TRMT61A: variants seen among roughly 807,000 people sequenced by gnomAD.
TRMT61A encodes the protein tRNA methyltransferase 61A.
TRMT61A carries 15 observed loss-of-function variants against 21.3 expected under a neutral mutation model. The ratio of observed to expected loss-of-function variants is 0.70; its 90% CI spans 0.47 to 1.08. The LOEUF is 1.08. Among genes scored for constraint, TRMT61A ranks in the 50% least tolerant of loss-of-function variants. The pLI, the probability that TRMT61A is intolerant of heterozygous loss-of-function variation, is 0.00. For synonymous variants in TRMT61A, 183 were observed against 185.5 expected (o/e 0.99, Z 0.11); for missense variants, 352 against 426.7 (o/e 0.83, Z 1.54).
chr14:103,530,137 C>T lies in TRMT61A; in HGVS notation c.159C>T (p.Pro53=), dbSNP rs763689330. ...LRHSVDLIGR[P]FGSKVTCGRG... is the part of the protein sequence containing the mutation. ...ACTCAGTTGACCTTATCGGCCGCCC[C>T]TTCGGCTCCAAGGTGACGTGCGGCC... Residue 53 remains proline, a synonymous_variant, in exon 2 of 4, where the codon CCC becomes CCT. Transcript: ENST00000389749. 5 of 1,612,792 alleles carry T rather than the reference C, an allele frequency of 3.1e-6. No homozygotes were observed. Among genetic ancestry groups the T allele is most frequent in the South Asian group, 1.1e-5 (1 of 91,086 alleles).
intron 2 of TRMT61A, 27 bp from the exon 3 acceptor site, chr14:103,532,555 C>T: frequency 6.2e-7 from 1 of 1,612,874 alleles, no homozygotes; most frequent in Non-Finnish European, 8.5e-7. Flanking sequence ...CAACTGATGC[C>T]TTGCCCATCC....
In TRMT61A at chr14:103,532,607, C is replaced by T. The variant is rs182181764; in HGVS notation, c.357C>T (p.His119=). The T allele has an allele frequency of 1.6e-5, 26 of 1,613,404 alleles. No homozygotes were observed. The African/African-American group carries it at 1.7e-4, about 11-fold the overall frequency. ...ESGTGSGSVS[H]AIIRTIAPTG... ...GCACCGGCAGTGGCTCTGTGTCCCACGCCATCATCCGCACCATTGCACCCA... is the reference window on the plus strand; with the variant it reads ...GCACCGGCAGTGGCTCTGTGTCCCATGCCATCATCCGCACCATTGCACCCA... The change falls in exon 3 of 4, where the codon CAC becomes CAT. Residue 119 remains histidine, a synonymous_variant. Coordinates refer to ENST00000389749, the MANE Select transcript of TRMT61A (RefSeq NM_152307.3).
At position 103,532,659 on chromosome 14, in the gene TRMT61A, C is replaced by T; in HGVS notation, c.409C>T (p.His137Tyr). 2 of 1,613,458 alleles carry T rather than the reference C, an allele frequency of 1.2e-6. No homozygotes were observed. The highest frequency in any genetic ancestry group is 1.7e-6 in the Non-Finnish European group (2 of 1,180,024). The change falls in exon 3 of 4, where the codon CAC (histidine) becomes TAC (tyrosine). Residue 137 changes from histidine to tyrosine, a missense_variant. Physicochemically the swap from His to Tyr is moderately conservative, Grantham distance 83. Transcript: ENST00000389749. ...GGGTCACCTGCACACGGTGGAGTTCCACCAGCAGCGGGCAGAGAAGGCCCG... is the reference window on the plus strand; with the variant it reads ...GGGTCACCTGCACACGGTGGAGTTCTACCAGCAGCGGGCAGAGAAGGCCCG... Reference protein sequence around the residue: ...PTGHLHTVEFHQQRAEKAREE... With the variant: ...PTGHLHTVEFYQQRAEKAREE...
At position 103,530,083 on chromosome 14, in the gene TRMT61A, G is replaced by A. The variant is rs745590065; in HGVS notation, c.105G>A (p.Gln35=). 1 of 1,612,958 alleles carries A rather than the reference G, an allele frequency of 6.2e-7. No individual in the cohort carries two copies. Among genetic ancestry groups the A allele is most frequent in the Non-Finnish European group, 8.5e-7 (1 of 1,179,914 alleles). The part of the protein sequence containing the change: ...MVAVRVQRGA[Q]TQTRHGVLRH... ...CGGTGCGTGTGCAGCGTGGGGCACA[G>A]ACCCAGACCCGGCATGGTGTCCTGC... Residue 35 remains glutamine, a synonymous_variant, in exon 2 of 4, where the codon CAG becomes CAA. Coordinates refer to ENST00000389749, the MANE Select transcript of TRMT61A (RefSeq NM_152307.3).
chr14:103,533,154 C>T (rs1036175217), intron 3 of TRMT61A, among the ~76,000 whole-genome samples: 1 of 152,242 alleles, frequency 6.6e-6, no homozygotes, highest in African/African-American at 2.4e-5. Context: ...GGAGTCCCCT[C>T]CCTGCTGTTT....
In TRMT61A at chr14:103,535,231, C is replaced by G; in HGVS notation, c.*410C>G. ...CGTCTGACCCCTGGGCCCCCACGGC[C>G]CTGGCTGCCCCACGGGGCCTGAGAC... On this transcript the variant is annotated 3_prime_UTR_variant, in exon 4 of 4. Coordinates refer to ENST00000389749, the MANE Select transcript of TRMT61A (RefSeq NM_152307.3). 2.1e-6 allele frequency: 1 copy of G among 465,716 alleles called. No individual in the cohort carries two copies. Among genetic ancestry groups the G allele is most frequent in the South Asian group, 1.6e-5 (1 of 63,562 alleles). The allele number at this position is 465,716 out of a possible 1,614,324, so 28.8% of individuals were successfully genotyped here. A position where few individuals can be genotyped will look rare whatever the true frequency, so the allele number is the denominator to read the frequency against.
In TRMT61A at chr14:103,530,220, C is replaced by G. The variant is rs765484716; in HGVS notation, c.242C>G (p.Pro81Arg). The G allele has an allele frequency of 6.2e-6, 10 of 1,611,922 alleles. No homozygotes were observed. Among genetic ancestry groups the G allele is most frequent in the Non-Finnish European group, 7.6e-6 (9 of 1,178,992 alleles). Residue 81 changes from proline (P) to arginine (R), a missense_variant, in exon 2 of 4, where the codon CCG (proline) becomes CGG (arginine). By Grantham distance (103) the Pro-to-Arg change is moderately radical. Transcript: ENST00000389749. Reference protein sequence around the residue: ...PTPELWTLNLPHRTQILYSTD... With the variant: ...PTPELWTLNLRHRTQILYSTD... ...CCCGAGCTCTGGACGCTGAACCTGC[C>G]GCACCGCACGCAGATCCTCTACTCC...
chr14:103,534,126 G>A (rs961027687), intron 3 of TRMT61A, among the ~76,000 whole-genome samples: 1 of 152,214 alleles, frequency 6.6e-6, no homozygotes, highest in Non-Finnish European at 1.5e-5. Flanking sequence ...CTGTTCCCGG[G>A]AGCAGCGACA....
rs2075969096 is a variant in TRMT61A at position 103,535,128 on chromosome 14, G to A, written c.*307G>A. The A allele has an allele frequency of 4.8e-6, 3 of 625,232 alleles. No individual in the cohort carries two copies. The African/African-American group carries it at 5.4e-5, about 11-fold the overall frequency. The allele number at this position is 625,232 out of a possible 1,614,324, so 38.7% of individuals were successfully genotyped here. A position where few individuals can be genotyped will look rare whatever the true frequency, so the allele number is the denominator to read the frequency against. ...GAAGCCAAAGGGTGCAGGTGGGGGA[G>A]TCTGACCCCCTCCCAGGTGGGCCTA... On this transcript the variant is annotated 3_prime_UTR_variant, in exon 4 of 4. Coordinates refer to ENST00000389749, the MANE Select transcript of TRMT61A (RefSeq NM_152307.3).
chr14:103,529,955 T>TG lies in TRMT61A; in HGVS notation c.-22dup, dbSNP rs2075947896. 1 of 1,582,086 alleles carries TG rather than the reference T, an allele frequency of 6.3e-7. No individual in the cohort carries two copies. Among genetic ancestry groups the TG allele is most frequent in the African/African-American group, 1.3e-5 (1 of 74,472 alleles). On this transcript the variant is annotated 5_prime_UTR_variant, in exon 2 of 4. Transcript: ENST00000389749. ...CTACACACACCCCTCCCCAGGTCCT[T>TG]GGCCCTTGCCAGACATTAGCACCAT...
intron 3 of TRMT61A, 118 bp downstream of exon 3, chr14:103,532,966 G>T: frequency 7.3e-7 from 1 of 1,363,580 alleles, no homozygotes; most frequent in Non-Finnish European, 9.7e-7. Flanking sequence ...GCAGTGGCCA[G>T]GCCAGGGCCC....
chr14:103,530,540 G>C (rs555114139), intron 2 of TRMT61A, among the ~76,000 whole-genome samples: 2 of 152,354 alleles, frequency 1.3e-5, no homozygotes, highest in South Asian at 4.1e-4. Context: ...GAGCTGGGGA[G>C]GACTGGTGCT....
intron 2 of TRMT61A, among the ~76,000 whole-genome samples, chr14:103,532,111 G>T (rs1342289185): frequency 3.3e-5 from 5 of 152,092 alleles, no homozygotes; most frequent in Non-Finnish European, 1.5e-5. Context: ...AGGAGCTTCT[G>T]GGGAGAGGTG....
chr14:103,530,297 G>A lies in TRMT61A; in HGVS notation c.319G>A (p.Val107Ile). 6.3e-7 allele frequency: 1 copy of A among 1,584,516 alleles called. No individual in the cohort carries two copies. The stretch of plus-strand genomic sequence containing the variant: ...GTTGGAGCTTCGGCCCGGCTCTGTG[G>A]TCTGTGAGTCTGGTGAGTTCCTCAG... ...MMLELRPGSV[V>I]CESGTGSGSV... The change falls in exon 2 of 4, where the codon GTC (valine) becomes ATC (isoleucine). Residue 107 changes from valine to isoleucine, a missense_variant. Val to Ile is a conservative substitution (Grantham distance 29, BLOSUM62 3). Transcript: ENST00000389749.
Position 103,534,501 on chromosome 14 carries a change from C to G in TRMT61A, c.599-49C>G, listed in dbSNP as rs201038905. ...CCAGGGATGCTAGGGCCAGACGGGC[C>G]AGGCTCTGCCACCCCTGCCCTCTGA... On this transcript the variant is annotated intron_variant, in intron 3 of 3. Transcript: ENST00000389749. The G allele has an allele frequency of 1.0e-3, 1,519 of 1,521,226 alleles. 15 individuals are homozygous for G. In the East Asian group the frequency reaches 0.014, roughly 14 times the overall value. 94.2% of individuals were successfully genotyped at this position (1,521,226 alleles called of 1,614,324 possible). A position where few individuals can be genotyped will look rare whatever the true frequency, so the allele number is the denominator to read the frequency against.
Position 103,532,691 on chromosome 14 carries a change from G to A in TRMT61A, c.441G>A (p.Glu147=). 6.2e-7 allele frequency: 1 copy of A among 1,613,334 alleles called. No individual in the cohort carries two copies. The highest frequency in any genetic ancestry group is 8.5e-7 in the Non-Finnish European group (1 of 1,179,994). Residue 147 remains glutamate (E), a synonymous_variant, in exon 3 of 4, where the codon GAG becomes GAA. Coordinates refer to ENST00000389749, the MANE Select transcript of TRMT61A (RefSeq NM_152307.3). ...HQQRAEKARE[E]FQEHRVGRWV... ...AGCGGGCAGAGAAGGCCCGGGAGGA[G>A]TTCCAGGAGCACCGTGTGGGCCGCT...
chr14:103,529,986 T>C lies in TRMT61A; in HGVS notation c.8T>C (p.Phe3Ser). 1 of 1,606,514 alleles carries C rather than the reference T, an allele frequency of 6.2e-7. No homozygotes were observed. Among genetic ancestry groups the C allele is most frequent in the Non-Finnish European group, 8.5e-7 (1 of 1,175,490 alleles). The change falls in exon 2 of 4, where the codon TTC becomes TCC. Residue 3 changes from phenylalanine to serine, a missense_variant. Coordinates refer to ENST00000389749, the MANE Select transcript of TRMT61A (RefSeq NM_152307.3). MS[F>S]VAYEELIKEG... ...TTGCCAGACATTAGCACCATGAGCTTCGTGGCATACGAGGAGCTGATCAAG... is the reference window on the plus strand; with the variant it reads ...TTGCCAGACATTAGCACCATGAGCTCCGTGGCATACGAGGAGCTGATCAAG...
chr14:103,533,062 G>A (rs1470717281), intron 3 of TRMT61A, among the ~76,000 whole-genome samples: 1 of 152,216 alleles, frequency 6.6e-6, no homozygotes, highest in African/African-American at 2.4e-5. Flanking sequence ...CCCTGCTCCT[G>A]GTCTCTGGCC....
chr14:103,532,479 C>T, intron 2 of TRMT61A, 103 bp from the exon 3 acceptor site: 2 of 1,428,864 alleles, frequency 1.4e-6, no homozygotes, highest in Non-Finnish European at 2.0e-6. Context: ...TCCTCCCAAG[C>T]CCTGTGTGGG....
Sources: allele counts gnomAD v4.1 joint callset (sites outside exome capture counted in the v4.1 genomes callset), GRCh38; gene constraint gnomAD v4.1.1; transcripts MANE v1.5; gene names NCBI Gene and HGNC (gene_info 2026-07-23, HGNC 2026-07-21).